Variants in EPHB6 observed in about 807,000 individuals in gnomAD.
EPHB6 encodes the protein ephrin type-B receptor 6.
A neutral mutation model predicts 107.0 loss-of-function variants in EPHB6; 51 were observed. That is an observed-to-expected ratio of 0.48 (90% CI 0.38 to 0.60). The LOEUF is 0.60. Ranked by LOEUF, EPHB6 falls within the 20% of genes least tolerant of loss-of-function variation. EPHB6 has a pLI of 0.00. For missense variants in EPHB6, 1,141 were observed against 1,355.5 expected, an observed-to-expected ratio of 0.84 and a Z score of 2.48; for synonymous variants, 553 against 549.0, an observed-to-expected ratio of 1.01 and a Z score of -0.10.
rs577812527 is a variant in EPHB6 at position 142,856,971 on chromosome 7, T to G, written c.-432+1586T>G. On this transcript the variant is annotated intron_variant, in intron 1 of 19. Transcript: ENST00000652003. ...GCACTGCTGACGCAGGTGCTACTCCTGGCACTCAGGGGCTTTCTTCCACAA... is the reference window on the plus strand; with the variant it reads ...GCACTGCTGACGCAGGTGCTACTCCGGGCACTCAGGGGCTTTCTTCCACAA... Among the ~76,000 whole-genome samples, 4 of 152,342 alleles carry G rather than the reference T, an allele frequency of 2.6e-5. No individual in the cohort carries two copies. The East Asian group carries it at 7.7e-4, about 29-fold the overall frequency.
rs895814247 is a variant in EPHB6 at position 142,858,367 on chromosome 7, C to T, written c.-431-2685C>T. On this transcript the variant is annotated intron_variant, in intron 1 of 19. Transcript: ENST00000652003. ...TCATATTTAGCATTTAATTGGAGCACGATTAATTTTTTAAATTCTTACCAA... is the reference window on the plus strand; with the variant it reads ...TCATATTTAGCATTTAATTGGAGCATGATTAATTTTTTAAATTCTTACCAA... Among the ~76,000 whole-genome samples, 70 of 148,824 alleles carry T rather than the reference C, an allele frequency of 4.7e-4. 1 individual carries two copies. The highest frequency in any genetic ancestry group is 1.4e-3 in the African/African-American group (56 of 40,420).
chr7:142,865,553 A>G lies in EPHB6; in HGVS notation c.1028A>G (p.Asn343Ser). 6.2e-7 allele frequency: 1 copy of G among 1,613,422 alleles called. No individual in the cohort carries two copies. The highest frequency in any genetic ancestry group is 8.5e-7 in the Non-Finnish European group (1 of 1,179,938). The change falls in exon 8 of 20, where the codon AAC becomes AGC. Residue 343 changes from asparagine to serine, a missense_variant. This residue lies in a region of EPHB6 where 304 missense variants were observed against 295.7 expected (regional missense o/e 1.03). Coordinates refer to ENST00000652003, the MANE Select transcript of EPHB6 (RefSeq NM_004445.6). ...TGCCCTGCCCGCAGTCACGCTCCCAACCCAGCAGCCCCCGTTTGCCCCTGC... is the reference window on the plus strand; with the variant it reads ...TGCCCTGCCCGCAGTCACGCTCCCAGCCCAGCAGCCCCCGTTTGCCCCTGC... The part of the protein sequence containing the change: ...SPCPARSHAP[N>S]PAAPVCPCLE...
In EPHB6 at chr7:142,864,083, G is replaced by A; in HGVS notation, c.283G>A (p.Val95Met). Residue 95 changes from valine (V) to methionine (M), a missense_variant, in exon 7 of 20, where the codon GTG becomes ATG. This residue lies in a region of EPHB6 where 221 missense variants were observed against 300.5 expected (regional missense o/e 0.74). Coordinates refer to ENST00000652003, the MANE Select transcript of EPHB6 (RefSeq NM_004445.6). ...GQDNWLQTHF[V>M]ERRGAQRAHI... ...GGACAATTGGTTGCAGACACACTTT[G>A]TGGAGCGGCGCGGGGCCCAGAGGGC... 1.2e-6 allele frequency: 2 copies of A among 1,614,064 alleles called. No individual in the cohort carries two copies. Among genetic ancestry groups the A allele is most frequent in the Non-Finnish European group, 1.7e-6 (2 of 1,180,048 alleles).
chr7:142,864,543 C>T lies in EPHB6; in HGVS notation c.743C>T (p.Ala248Val), dbSNP rs761689898. The change falls in exon 7 of 20, where the codon GCC becomes GTC. Residue 248 changes from alanine to valine, a missense_variant. Physicochemically the swap from Ala to Val is moderately conservative, Grantham distance 64. This residue lies in a region of EPHB6 where 304 missense variants were observed against 295.7 expected (regional missense o/e 1.03). Coordinates refer to ENST00000652003, the MANE Select transcript of EPHB6 (RefSeq NM_004445.6). ...TTTGCTTCCTTTCCAGAGACGCAGGCCAGTGGGGCTGGGGGGGCCTCCCTG... is the reference window on the plus strand; with the variant it reads ...TTTGCTTCCTTTCCAGAGACGCAGGTCAGTGGGGCTGGGGGGGCCTCCCTG... ...RSFASFPETQ[A>V]SGAGGASLVA... 2 of 1,613,372 alleles carry T rather than the reference C, an allele frequency of 1.2e-6. No homozygotes were observed. The highest frequency in any genetic ancestry group is 1.7e-6 in the Non-Finnish European group (2 of 1,179,942).
chr7:142,868,232 C>A lies in EPHB6; in HGVS notation c.1919-9C>A, dbSNP rs1048139824. On this transcript the variant is annotated splice_polypyrimidine_tract_variant and intron_variant, in intron 13 of 19. Transcript: ENST00000652003. The surrounding 1 kb of genome is among the most constrained non-coding windows in gnomAD (Gnocchi z 4.2). The stretch of plus-strand genomic sequence containing the variant: ...CAACACGCTCATAACATACTCCACA[C>A]CCCTCCAGGACTCGGGGTGAAGTAT... 2 of 1,614,152 alleles carry A rather than the reference C, an allele frequency of 1.2e-6. No individual in the cohort carries two copies. The highest frequency in any genetic ancestry group is 1.3e-5 in the African/African-American group (1 of 75,036).
rs369798355 is a variant in EPHB6 at position 142,870,912 on chromosome 7, G to A, written c.*8G>A. 15 of 1,610,254 alleles carry A rather than the reference G, an allele frequency of 9.3e-6. No individual in the cohort carries two copies. Among genetic ancestry groups the A allele is most frequent in the South Asian group, 3.3e-5 (3 of 90,982 alleles). ...GGCTCAGTGGAGGTCTGAGAATGACGATACCCGTGACTCAGCCCTGGACAC... is the reference window on the plus strand; with the variant it reads ...GGCTCAGTGGAGGTCTGAGAATGACAATACCCGTGACTCAGCCCTGGACAC... On this transcript the variant is annotated 3_prime_UTR_variant, in exon 20 of 20. Transcript: ENST00000652003.
intron 1 of EPHB6, among the ~76,000 whole-genome samples, chr7:142,858,618 T>TTTA (rs1265670422): frequency 6.7e-6 from 1 of 149,692 alleles, no homozygotes; most frequent in Non-Finnish European, 1.5e-5. Context: ...TTTTTTTTTT[T>TTTA]TGTATTTTTA....
In EPHB6 at chr7:142,867,817, C is replaced by T; in HGVS notation, c.1865+95C>T. 1.4e-6 allele frequency: 2 copies of T among 1,430,182 alleles called. No homozygotes were observed. Among genetic ancestry groups the T allele is most frequent in the Non-Finnish European group, 9.6e-7 (1 of 1,040,668 alleles). 88.6% of individuals were successfully genotyped at this position (1,430,182 alleles called of 1,614,324 possible). A position where few individuals can be genotyped will look rare whatever the true frequency, so the allele number is the denominator to read the frequency against. ...AGTCTGGAGCCCCCTGCAGAAACCTCACACTGGTGCTCCTCCCGTCAGCCA... is the reference window on the plus strand; with the variant it reads ...AGTCTGGAGCCCCCTGCAGAAACCTTACACTGGTGCTCCTCCCGTCAGCCA... On this transcript the variant is annotated intron_variant, in intron 12 of 19. Transcript: ENST00000652003. This position sits in a 1 kb window ranked among gnomAD's most constrained non-coding sequence, Gnocchi z 5.3.
Position 142,866,538 on chromosome 7 carries a change from T to C in EPHB6, c.1520T>C (p.Val507Ala). 1 of 1,614,138 alleles carries C rather than the reference T, an allele frequency of 6.2e-7. No individual in the cohort carries two copies. The highest frequency in any genetic ancestry group is 8.5e-7 in the Non-Finnish European group (1 of 1,180,022). The change falls in exon 10 of 20, where the codon GTG becomes GCG. Residue 507 changes from valine (V) to alanine (A), a missense_variant. Transcript: ENST00000652003. The surrounding 1 kb of genome is among the most constrained non-coding windows in gnomAD (Gnocchi z 5.2). ...QVSRASNSIT[V>A]SWPQPDQTNG... The stretch of plus-strand genomic sequence containing the variant: ...AGCCGGGCATCCAACAGCATCACGG[T>C]GTCCTGGCCGCAGCCCGACCAGACC...
chr7:142,868,689 A>C lies in EPHB6; in HGVS notation c.2236A>C (p.Met746Leu), dbSNP rs1220766014. 1.2e-6 allele frequency: 2 copies of C among 1,613,746 alleles called. No individual in the cohort carries two copies. The highest frequency in any genetic ancestry group is 2.7e-5 in the African/African-American group (2 of 74,886). Residue 746 changes from methionine to leucine, a missense_variant, in exon 15 of 20, where the codon ATG becomes CTG. By Grantham distance (15) the Met-to-Leu change is conservative. Transcript: ENST00000652003. The surrounding 1 kb of genome is among the most constrained non-coding windows in gnomAD (Gnocchi z 4.2). ...EGVVTKSRPL[M>L]VLTEFMELGP... ...CGTGGTCACCAAGAGCCGACCCCTC[A>C]TGGTGCTGACGGAGTTCATGGAGCT... is the stretch of plus-strand genomic sequence containing the variant.
Position 142,866,196 on chromosome 7 carries a change from G to C in EPHB6, c.1342G>C (p.Val448Leu), listed in dbSNP as rs1266834667. The C allele has an allele frequency of 6.2e-7, 1 of 1,614,032 alleles. No homozygotes were observed. The highest frequency in any genetic ancestry group is 8.5e-7 in the Non-Finnish European group (1 of 1,180,024). The change falls in exon 9 of 20, where the codon GTG becomes CTG. Residue 448 changes from valine to leucine, a missense_variant. By Grantham distance (32) the Val-to-Leu change is conservative. Coordinates refer to ENST00000652003, the MANE Select transcript of EPHB6 (RefSeq NM_004445.6). This position sits in a 1 kb window ranked among gnomAD's most constrained non-coding sequence, Gnocchi z 5.2. Reference sequence around the variant, plus strand: ...AGGCCTGACTGAGAGCCGAGTGTTAGTGGGGGGACTCCGGGCACACGTACC... The same window carrying C: ...AGGCCTGACTGAGAGCCGAGTGTTACTGGGGGGACTCCGGGCACACGTACC... ...QRGLTESRVL[V>L]GGLRAHVPYI...
rs2116425955 is a variant in EPHB6 at position 142,864,572 on chromosome 7, G to A, written c.772G>A (p.Ala258Thr). ...ASGAGGASLV[A>T]AVGTCVAHAE... ...TGGGGCTGGGGGGGCCTCCCTGGTG[G>A]CAGCTGTGGGCACCTGTGTGGCTCA... The change falls in exon 7 of 20, where the codon GCA becomes ACA. Residue 258 changes from alanine to threonine, a missense_variant. Coordinates refer to ENST00000652003, the MANE Select transcript of EPHB6 (RefSeq NM_004445.6). The A allele has an allele frequency of 6.2e-7, 1 of 1,613,064 alleles. No individual in the cohort carries two copies.
Position 142,868,719 on chromosome 7 carries a change from C to T in EPHB6, c.2266C>T (p.Pro756Ser), listed in dbSNP as rs759570133. Reference sequence around the variant, plus strand: ...GCTGACGGAGTTCATGGAGCTTGGCCCCCTGGACAGCTTCCTCAGGGTCAG... The same window carrying T: ...GCTGACGGAGTTCATGGAGCTTGGCTCCCTGGACAGCTTCCTCAGGGTCAG... ...MVLTEFMELG[P>S]LDSFLRQREG... Residue 756 changes from proline to serine, a missense_variant, in exon 15 of 20, where the codon CCC becomes TCC. Physicochemically the swap from Pro to Ser is moderately conservative, Grantham distance 74. This residue lies in a region of EPHB6 where 616 missense variants were observed against 759.3 expected (regional missense o/e 0.81). Transcript: ENST00000652003. This position sits in a 1 kb window ranked among gnomAD's most constrained non-coding sequence, Gnocchi z 4.2. 4 of 1,613,918 alleles carry T rather than the reference C, an allele frequency of 2.5e-6. No homozygotes were observed. The highest frequency in any genetic ancestry group is 4.5e-5 in the East Asian group (2 of 44,868).
rs375291077 is a variant in EPHB6 at position 142,868,938 on chromosome 7, G to C, written c.2287-36G>C. On this transcript the variant is annotated intron_variant, in intron 15 of 19. Transcript: ENST00000652003. This position sits in a 1 kb window ranked among gnomAD's most constrained non-coding sequence, Gnocchi z 4.2. ...TATGTTGAGGTCTCCCCCTGTCTCC[G>C]ATCACTGACCTCTGCCCCCTGCCCC... The C allele has an allele frequency of 6.2e-7, 1 of 1,600,840 alleles. No homozygotes were observed. The highest frequency in any genetic ancestry group is 8.5e-7 in the Non-Finnish European group (1 of 1,177,902).
rs968090015 is a variant in EPHB6, at chr7:142,869,333, A to G, written c.2460+186A>G. On this transcript the variant is annotated intron_variant, in intron 16 of 19. Coordinates refer to ENST00000652003, the MANE Select transcript of EPHB6 (RefSeq NM_004445.6). This position sits in a 1 kb window ranked among gnomAD's most constrained non-coding sequence, Gnocchi z 4.5. ...TAGGCGACGGGGTTTGAGGGATTTC[A>G]GGGACCGAGACAAAGGGGATGAGGG... Among the ~76,000 whole-genome samples the G allele has an allele frequency of 6.6e-5, 10 of 152,152 alleles. 1 individual carries two copies. In the South Asian group the frequency reaches 2.1e-3, roughly 32 times the overall value.
chr7:142,870,326 A>T lies in EPHB6; in HGVS notation c.2723A>T (p.His908Leu). 6.2e-7 allele frequency: 1 copy of T among 1,614,182 alleles called. No homozygotes were observed. Among genetic ancestry groups the T allele is most frequent in the Non-Finnish European group, 8.5e-7 (1 of 1,180,034 alleles). ...CAGAAGGACCGTGCCCGGCGGCCTC[A>T]TTTTGACCAGCTGGTGGCTGCATTT... Reference protein sequence around the residue: ...TWQKDRARRPHFDQLVAAFDK... With the variant: ...TWQKDRARRPLFDQLVAAFDK... The change falls in exon 18 of 20, where the codon CAT becomes CTT. Residue 908 changes from histidine (H) to leucine (L), a missense_variant. Around this residue, in one of 3 missense-constraint regions of EPHB6, gnomAD observed 616 missense variants for 759.3 expected, o/e 0.81. Transcript: ENST00000652003.
rs765691390 is a variant in EPHB6, at chr7:142,866,610, G to C, written c.1587+5G>C. ...CAGCTCCGCTACTATGACCAGGTGC[G>C]CAGGAGGAGTGGGGGTTCCGCAGTA... On this transcript the variant is annotated splice_donor_5th_base_variant and intron_variant, in intron 10 of 19. Transcript: ENST00000652003. This position sits in a 1 kb window ranked among gnomAD's most constrained non-coding sequence, Gnocchi z 5.2. 9.9e-6 allele frequency: 16 copies of C among 1,613,820 alleles called. No individual in the cohort carries two copies. The highest frequency in any genetic ancestry group is 1.4e-5 in the Non-Finnish European group (16 of 1,180,024).
rs545869991 is a variant in EPHB6, at chr7:142,868,589, C to T, written c.2136C>T (p.Ser712=). 6.2e-7 allele frequency: 1 copy of T among 1,613,580 alleles called. No homozygotes were observed. The highest frequency in any genetic ancestry group is 1.1e-5 in the South Asian group (1 of 91,082). The change falls in exon 15 of 20, where the codon AGC becomes AGT. Residue 712 remains serine (S), a synonymous_variant. Coordinates refer to ENST00000652003, the MANE Select transcript of EPHB6 (RefSeq NM_004445.6). The surrounding 1 kb of genome is among the most constrained non-coding windows in gnomAD (Gnocchi z 4.2). ...IQALWAGGAE[S]LQMTFLGRAA... ...CCCTGTGGGCCGGGGGCGCCGAAAG[C>T]CTGCAGATGACCTTCCTGGGCCGGG...
chr7:142,867,755 C>A lies in EPHB6; in HGVS notation c.1865+33C>A. The A allele has an allele frequency of 6.4e-7, 1 of 1,568,722 alleles. No homozygotes were observed. Among genetic ancestry groups the A allele is most frequent in the Non-Finnish European group, 8.7e-7 (1 of 1,152,410 alleles). On this transcript the variant is annotated intron_variant, in intron 12 of 19. Transcript: ENST00000652003. The surrounding 1 kb of genome is among the most constrained non-coding windows in gnomAD (Gnocchi z 5.3). ...CCCACCCCTGCCCAACTCTGCCCAG[C>A]ACCATTAACTCCACAGCCAAACCTC...
Sources: gnomAD v4.1 joint callset for allele counts (sites outside exome capture counted in the v4.1 genomes callset) on GRCh38, gnomAD v4.1.1 for gene constraint, gnomAD v4.1.1 regional missense constraint, Gnocchi (gnomAD v3.1) non-coding constraint, MANE v1.5 for transcripts, NCBI Gene and HGNC (gene_info 2026-07-23, HGNC 2026-07-21) for gene names.